Variants in ORC4 observed in about 807,000 individuals in gnomAD.
ORC4 encodes the protein origin recognition complex subunit 4.
A neutral mutation model predicts 63.9 loss-of-function variants in ORC4; 55 were observed. The observed-to-expected ratio is 0.86, with a 90% CI of 0.69 to 1.08. The LOEUF is 1.08. Ranked by LOEUF, ORC4 falls within the 50% of genes least tolerant of loss-of-function variation. The probability of loss-of-function intolerance (pLI) is 0.00; values close to 1 mark genes in which losing one functional copy is unlikely to be tolerated. For missense variants in ORC4, 511 were observed against 504.4 expected (o/e 1.01, Z -0.13); for synonymous variants, 150 against 168.5 (o/e 0.89, Z 0.85).
At chr2:147,993,368 A>C (rs1167445268) in intron 1 of ORC4, among the ~76,000 whole-genome samples, 1 of 152,190 alleles carries the variant, frequency 6.6e-6, no homozygotes, top group Non-Finnish European at 1.5e-5. Context: ...AGGAAAAAAA[A>C]CTGAAAATAA....
At chr2:148,014,120 G>A (rs1262179484) in intron 1 of ORC4, among the ~76,000 whole-genome samples, 1 of 152,144 alleles carries the variant, frequency 6.6e-6, no homozygotes, top group Admixed American at 6.5e-5. Flanking sequence ...AAGGCAGGAG[G>A]ATAGCTTGAG....
chr2:147,943,530 G>GAAAAAAAAAAAA lies in ORC4; in HGVS notation c.763-20_763-9dup, dbSNP rs66919703. ...TCTATCTTCTGAGAGATACTAAAAG[G>GAAAAAAAAAAAA]AAAAAAAAAAAAAAAGCCAAAATTG... On this transcript the variant is annotated splice_polypyrimidine_tract_variant and intron_variant, in intron 9 of 13. Coordinates refer to ENST00000392857, the MANE Select transcript of ORC4 (RefSeq NM_181741.4). 2.6e-6 allele frequency: 3 copies of GAAAAAAAAAAAA among 1,168,964 alleles called. No homozygotes were observed. Among genetic ancestry groups the GAAAAAAAAAAAA allele is most frequent in the Admixed American group, 1.9e-5 (1 of 51,440 alleles). 72.4% of individuals were successfully genotyped at this position (1,168,964 alleles called of 1,614,324 possible). A position where few individuals can be genotyped will look rare whatever the true frequency, so the allele number is the denominator to read the frequency against.
chr2:147,939,959 CAATA>C (rs892571689), intron 10 of ORC4, among the ~76,000 whole-genome samples: 1 of 152,000 alleles, frequency 6.6e-6, no homozygotes, highest in African/African-American at 2.4e-5. Flanking sequence ...TTCAAATAAA[CAATA>C]AATAGTTTCT....
At position 147,948,143 on chromosome 2, in the gene ORC4, GA is replaced by G; in HGVS notation, c.669del (p.Pro224HisfsTer60). On this transcript the variant is annotated frameshift_variant, in exon 9 of 14. Coordinates refer to ENST00000392857, the MANE Select transcript of ORC4 (RefSeq NM_181741.4). LOFTEE classifies it high-confidence loss of function. ...TCTTTAAATATTTTAACATACTGTG[GA>G]AAACCAAATGAATTCATTAAGTGTA... Reference protein sequence around the residue: ...RQIHLMNSFGFPQYVKIFKEQ... With the variant: ...RQIHLMNSFGXPQYVKIFKEQ... 2 of 1,610,644 alleles carry G rather than the reference GA, an allele frequency of 1.2e-6. No individual in the cohort carries two copies. Among genetic ancestry groups the G allele is most frequent in the Non-Finnish European group, 1.7e-6 (2 of 1,177,412 alleles).
intron 1 of ORC4, among the ~76,000 whole-genome samples, chr2:147,980,616 C>T (rs561488915): frequency 6.6e-6 from 1 of 152,192 alleles, no homozygotes; most frequent in South Asian, 2.1e-4. Flanking sequence ...CTCAGTGTTA[C>T]TAATTGTCAG....
chr2:147,975,161 T>C (rs1173050543), intron 2 of ORC4, among the ~76,000 whole-genome samples: 1 of 152,132 alleles, frequency 6.6e-6, no homozygotes, highest in Non-Finnish European at 1.5e-5. Context: ...TCAAGCTAGA[T>C]AAATACAAAT....
upstream of ORC4, chr2:148,021,534 C>T: frequency 1.8e-6 from 1 of 563,824 alleles, no homozygotes. Context: ...TTGGCCCTGG[C>T]TGGAGACATC....
intron 4 of ORC4, among the ~76,000 whole-genome samples, chr2:147,966,822 G>C (rs1474514167): frequency 6.6e-6 from 1 of 152,090 alleles, no homozygotes; most frequent in African/African-American, 2.4e-5. Flanking sequence ...AAAAATTCAA[G>C]CAGAGAAAAT....
chr2:148,019,143 G>T (rs1216896215), intron 1 of ORC4, among the ~76,000 whole-genome samples: 1 of 151,976 alleles, frequency 6.6e-6, no homozygotes, highest in African/African-American at 2.4e-5. Context: ...TAAAGCACAG[G>T]AGTCTAGTTT....
At position 147,993,817 on chromosome 2, in the gene ORC4, C is replaced by T. The variant is rs531637901; in HGVS notation, c.-17-17842G>A. On this transcript the variant is annotated intron_variant, in intron 1 of 13. Coordinates refer to ENST00000392857, the MANE Select transcript of ORC4 (RefSeq NM_181741.4). Reference sequence around the variant, plus strand: ...CCTTTTACTCCCCAAAGTTAAAAGGCTATCAATGGGACAATAATTGATGAT... The same window carrying T: ...CCTTTTACTCCCCAAAGTTAAAAGGTTATCAATGGGACAATAATTGATGAT... Among the ~76,000 whole-genome samples, 185 of 152,256 alleles carry T rather than the reference C, an allele frequency of 1.2e-3. 1 individual carries two copies. The highest frequency in any genetic ancestry group is 1.6e-3 in the Non-Finnish European group (107 of 68,004).
intron 11 of ORC4, 103 bp downstream of exon 11, chr2:147,939,037 T>C (rs1688218780): frequency 2.7e-6 from 2 of 742,784 alleles, no homozygotes; most frequent in Non-Finnish European, 4.8e-6. Flanking sequence ...GAAAGTATTT[T>C]ATAAAGCATT....
At chr2:147,985,743 G>T (rs1454502053) in intron 1 of ORC4, among the ~76,000 whole-genome samples, 1 of 152,046 alleles carries the variant, frequency 6.6e-6, no homozygotes, top group Non-Finnish European at 1.5e-5. Context: ...ATGAACTCCT[G>T]GTGACAGTCC....
At chr2:147,946,293 T>C (rs200443156) in intron 9 of ORC4, among the ~76,000 whole-genome samples, 516 of 145,734 alleles carry the variant, frequency 3.5e-3, no homozygotes, top group East Asian at 8.5e-3. Flanking sequence ...TGAGCAGGTA[T>C]GGAAAAAAAA....
At chr2:148,012,574 G>GAAAAT (rs376296889) in intron 1 of ORC4, among the ~76,000 whole-genome samples, 1 of 151,762 alleles carries the variant, frequency 6.6e-6, no homozygotes, top group African/African-American at 2.4e-5. Flanking sequence ...ACTAAAGCAA[G>GAAAAT]AAAATAAAAT....
chr2:147,952,537 A>G lies in ORC4; in HGVS notation c.437-13T>C. The G allele has an allele frequency of 1.9e-6, 3 of 1,581,030 alleles. No homozygotes were observed. The highest frequency in any genetic ancestry group is 2.6e-6 in the Non-Finnish European group (3 of 1,150,066). ...CTAGTTCGGTCACCTAAGATAAAAT[A>G]AGAGCATTACATTAATAAGAAATTA... On this transcript the variant is annotated splice_polypyrimidine_tract_variant and intron_variant, in intron 7 of 13. Transcript: ENST00000392857.
At position 147,931,777 on chromosome 2, in the gene ORC4, C is replaced by G. The variant is rs551903798; in HGVS notation, c.*3733G>C. 10 of 152,078 alleles carry G rather than the reference C, an allele frequency of 6.6e-5. No homozygotes were observed. The highest frequency in any genetic ancestry group is 1.3e-4 in the Non-Finnish European group (9 of 68,016). The allele number at this position is 152,078 out of a possible 1,614,324, so 9.4% of individuals were successfully genotyped here. ...AACAACCCTTCATGCTAAAAACTCT[C>G]AATAAATTAGGGATTGATGGGGTGT... On this transcript the variant is annotated 3_prime_UTR_variant, in exon 14 of 14. Transcript: ENST00000392857.
Position 147,939,056 on chromosome 2 carries a change from G to A in ORC4, c.958+84C>T, listed in dbSNP as rs1177667621. 2.2e-5 allele frequency: 19 copies of A among 846,900 alleles called. 1 individual carries two copies. The highest frequency in any genetic ancestry group is 3.2e-5 in the Non-Finnish European group (16 of 493,070). The allele number at this position is 846,900 out of a possible 1,614,324, so 52.5% of individuals were successfully genotyped here. ...GTATTTTATAAAGCATTATGCCCAC[G>A]TTAATTGTAATTTTAAAAACATTCC... is the stretch of plus-strand genomic sequence containing the variant. On this transcript the variant is annotated intron_variant, in intron 11 of 13. Coordinates refer to ENST00000392857, the MANE Select transcript of ORC4 (RefSeq NM_181741.4).
intron 1 of ORC4, among the ~76,000 whole-genome samples, chr2:148,014,605 G>T (rs544869417): frequency 1.3e-5 from 2 of 151,968 alleles, no homozygotes; most frequent in Non-Finnish European, 2.9e-5. Context: ...AACAACAAAT[G>T]AACTATGAAT....
intron 1 of ORC4, among the ~76,000 whole-genome samples, chr2:147,997,021 G>A (rs1692014398): frequency 6.6e-6 from 1 of 152,066 alleles, no homozygotes; most frequent in Middle Eastern, 3.2e-3. Flanking sequence ...TTCAATATGT[G>A]AATGGATAAA....
Sources: gnomAD v4.1 joint callset for allele counts (sites outside exome capture counted in the v4.1 genomes callset) on GRCh38, gnomAD v4.1.1 for gene constraint, MANE v1.5 for transcripts, NCBI Gene and HGNC (gene_info 2026-07-23, HGNC 2026-07-21) for gene names.